Variants in TGFB2 observed in about 807,000 individuals in gnomAD.
TGFB2 encodes the protein transforming growth factor beta-2 proprotein.
TGFB2 carries 13 observed loss-of-function variants against 42.7 expected under a neutral mutation model. The ratio of observed to expected loss-of-function variants is 0.30; its 90% CI spans 0.20 to 0.48. The LOEUF (loss-of-function observed/expected upper bound fraction) is 0.48. Among genes scored for constraint, TGFB2 ranks in the 20% least tolerant of loss-of-function variants. The pLI, the probability that TGFB2 is intolerant of heterozygous loss-of-function variation, is 0.99. For missense variants in TGFB2, 390 were observed against 517.5 expected, an observed-to-expected ratio of 0.75 and a Z score of 2.39; for synonymous variants, 193 against 193.6, an observed-to-expected ratio of 1.00 and a Z score of 0.03.
intron 1 of TGFB2, among the ~76,000 whole-genome samples, chr1:218,360,476 A>T (rs951311752): frequency 6.6e-6 from 1 of 152,144 alleles, no homozygotes; most frequent in Admixed American, 6.5e-5. Flanking sequence ...TCTCACATGC[A>T]CGTAGTGAGG....
At chr1:218,418,220 G>T (rs1478612662) in intron 2 of TGFB2, among the ~76,000 whole-genome samples, 2 of 152,246 alleles carry the variant, frequency 1.3e-5, no homozygotes, top group East Asian at 3.9e-4. Flanking sequence ...AGCCATGGGG[G>T]CAGAGCTGCC....
intron 6 of TGFB2, 68 bp downstream of exon 6, chr1:218,437,564 A>T (rs529924775): frequency 6.7e-7 from 1 of 1,486,848 alleles, no homozygotes; most frequent in South Asian, 1.4e-5. Flanking sequence ...TAGTATTTCC[A>T]AATGAGTTGT....
intron 2 of TGFB2, among the ~76,000 whole-genome samples, chr1:218,430,590 T>C (rs932660294): frequency 6.6e-6 from 1 of 152,192 alleles, no homozygotes; most frequent in Non-Finnish European, 1.5e-5. Flanking sequence ...CTTTTGAATG[T>C]AAGCAGCAGG....
intron 2 of TGFB2, among the ~76,000 whole-genome samples, chr1:218,419,255 T>C (rs987842262): frequency 2.6e-5 from 4 of 152,152 alleles, no homozygotes; most frequent in Middle Eastern, 3.4e-3. Context: ...CTGCACTCAC[T>C]CCTTCCTGTG....
chr1:218,407,994 A>G (rs1449098497), intron 2 of TGFB2, among the ~76,000 whole-genome samples: 1 of 152,192 alleles, frequency 6.6e-6, no homozygotes, highest in Non-Finnish European at 1.5e-5. Flanking sequence ...AAACATGATT[A>G]TATCTCCTTT....
At chr1:218,421,378 T>TG (rs1558256006) in intron 2 of TGFB2, among the ~76,000 whole-genome samples, 1 of 151,044 alleles carries the variant, frequency 6.6e-6, no homozygotes, top group African/African-American at 2.4e-5. Flanking sequence ...AAGCAGTTTT[T>TG]TTTTTTTTTT....
chr1:218,347,028 G>T lies in TGFB2; in HGVS notation c.327G>T (p.Pro109=), dbSNP rs572177050. 2 of 1,594,332 alleles carry T rather than the reference G, an allele frequency of 1.3e-6. No individual in the cohort carries two copies. Among genetic ancestry groups the T allele is most frequent in the Non-Finnish European group, 1.7e-6 (2 of 1,169,844 alleles). Residue 109 remains proline (P), a synonymous_variant, in exon 1 of 7, where the codon CCG becomes CCT. Transcript: ENST00000366930. The stretch of plus-strand genomic sequence containing the variant: ...AGGAGGTTTACAAAATAGACATGCC[G>T]CCCTTCTTCCCCTCCGAAAGTAAGT... The part of the protein sequence containing the change: ...YAKEVYKIDM[P]PFFPSENAIP...
Position 218,388,334 on chromosome 1 carries a change from C to CA in TGFB2, c.347-16834dup, listed in dbSNP as rs558486908. Among the ~76,000 whole-genome samples, 39 of 152,116 alleles carry CA rather than the reference C, an allele frequency of 2.6e-4. No homozygotes were observed. In the South Asian group the frequency reaches 6.6e-3, roughly 26 times the overall value. On this transcript the variant is annotated intron_variant, in intron 1 of 6. Transcript: ENST00000366930. ...GAAGAGAGGTCACAGTTGGCCCCCCCACATCCAGAGGGAAATTTTAAAGTT... is the reference window on the plus strand; with the variant it reads ...GAAGAGAGGTCACAGTTGGCCCCCCCAACATCCAGAGGGAAATTTTAAAGTT...
At chr1:218,357,882 G>T (rs1318626119) in intron 1 of TGFB2, among the ~76,000 whole-genome samples, 4 of 152,124 alleles carry the variant, frequency 2.6e-5, no homozygotes, top group Non-Finnish European at 5.9e-5. Flanking sequence ...AGCTATTTAA[G>T]AATAACACTG....
At chr1:218,392,178 A>G (rs1658336583) in intron 1 of TGFB2, among the ~76,000 whole-genome samples, 1 of 152,150 alleles carries the variant, frequency 6.6e-6, no homozygotes, top group Non-Finnish European at 1.5e-5. Flanking sequence ...GTGAAACCCC[A>G]TCTCTACTAA....
chr1:218,383,965 C>T (rs181306472), intron 1 of TGFB2, among the ~76,000 whole-genome samples: 74 of 152,258 alleles, frequency 4.9e-4, no homozygotes, highest in African/African-American at 1.7e-3. Context: ...CCTTCCTTTC[C>T]ACGTCACAGA....
intron 2 of TGFB2, among the ~76,000 whole-genome samples, chr1:218,406,503 A>G (rs754175050): frequency 3.3e-5 from 5 of 152,202 alleles, no homozygotes; most frequent in South Asian, 2.1e-4. Context: ...TCTTGTGCAC[A>G]TTAAAGAACC....
intron 2 of TGFB2, among the ~76,000 whole-genome samples, chr1:218,407,223 A>G (rs1016725286): frequency 2.6e-5 from 4 of 152,102 alleles, no homozygotes; most frequent in African/African-American, 9.7e-5. Context: ...GTGCATCCCC[A>G]CGCCTAACTC....
intron 2 of TGFB2, among the ~76,000 whole-genome samples, chr1:218,429,054 C>G (rs1039357588): frequency 6.9e-6 from 1 of 145,354 alleles, no homozygotes; most frequent in Non-Finnish European, 1.5e-5. Context: ...GATCTCAGCT[C>G]ACTGCAACCT....
At chr1:218,418,063 C>A (rs916067576) in intron 2 of TGFB2, among the ~76,000 whole-genome samples, 12 of 152,212 alleles carry the variant, frequency 7.9e-5, no homozygotes, top group African/African-American at 2.9e-4. Flanking sequence ...TGGGGCACCA[C>A]CTAGTGGAGC....
chr1:218,380,748 C>T (rs1657932286), intron 1 of TGFB2, among the ~76,000 whole-genome samples: 1 of 151,916 alleles, frequency 6.6e-6, no homozygotes, highest in South Asian at 2.1e-4. Context: ...GAAGGGAGCT[C>T]AGTGTTGAGA....
intron 1 of TGFB2, among the ~76,000 whole-genome samples, chr1:218,360,596 A>C (rs1000805340): frequency 2.0e-5 from 3 of 152,194 alleles, no homozygotes; most frequent in African/African-American, 4.8e-5. Context: ...TGATAGGTGC[A>C]GCAAACCACC....
At chr1:218,426,547 A>G (rs571930896) in intron 2 of TGFB2, among the ~76,000 whole-genome samples, 1 of 152,350 alleles carries the variant, frequency 6.6e-6, no homozygotes, top group South Asian at 2.1e-4. Flanking sequence ...TATTTCACAC[A>G]TATTATATCT....
chr1:218,425,277 G>A (rs1659585066), intron 2 of TGFB2, among the ~76,000 whole-genome samples: 1 of 152,020 alleles, frequency 6.6e-6, no homozygotes, highest in Non-Finnish European at 1.5e-5. Flanking sequence ...GTGTGTTCTC[G>A]GCTCACCACA....
Sources: allele counts gnomAD v4.1 joint callset (sites outside exome capture counted in the v4.1 genomes callset), GRCh38; gene constraint gnomAD v4.1.1; transcripts MANE v1.5; gene names NCBI Gene and HGNC (gene_info 2026-07-23, HGNC 2026-07-21).